CCDC38: variants seen among roughly 807,000 people sequenced by gnomAD.
CCDC38 encodes coiled-coil domain containing 38.
In CCDC38, 69 loss-of-function variants were observed where a neutral mutation model predicts 72.8. The observed-to-expected ratio is 0.95, with a 90% CI of 0.78 to 1.16. The LOEUF is 1.16. Ranked by LOEUF, CCDC38 falls within the 50% of genes most tolerant of loss-of-function variation. CCDC38 has a pLI of 0.00. For synonymous variants in CCDC38, 201 were observed against 213.2 expected (o/e 0.94, Z 0.50); for missense variants, 626 against 638.9 (o/e 0.98, Z 0.22).
intron 10 of CCDC38, among the ~76,000 whole-genome samples, chr12:95,886,052 A>T (rs879467255): frequency 7.4e-6 from 1 of 135,910 alleles, no homozygotes; most frequent in Non-Finnish European, 1.6e-5. Flanking sequence ...AAGCTTGCCT[A>T]TACTAAAAAC....
chr12:95,872,288 A>T lies in CCDC38; in HGVS notation c.1451T>A (p.Ile484Asn), dbSNP rs144956990. The T allele has an allele frequency of 1.9e-6, 3 of 1,613,874 alleles. No homozygotes were observed. Among genetic ancestry groups the T allele is most frequent in the Non-Finnish European group, 1.7e-6 (2 of 1,180,014 alleles). Residue 484 changes from isoleucine (I) to asparagine (N), a missense_variant, in exon 14 of 16, where the codon ATT becomes AAT. Transcript: ENST00000344280. ...CCATTCTTTCTGTTTCATCCTCTCA[A>T]TTGCCTCCACATTTTCTTTGGGAAT... is the stretch of plus-strand genomic sequence containing the variant. The part of the protein sequence containing the change: ...ESIPKENVEA[I>N]ERMKQKEWRQ...
In CCDC38 at chr12:95,872,408, C is replaced by A. The variant is rs1332521694; in HGVS notation, c.1331G>T (p.Cys444Phe). The A allele has an allele frequency of 6.2e-7, 1 of 1,614,170 alleles. No homozygotes were observed. The highest frequency in any genetic ancestry group is 1.7e-5 in the Admixed American group (1 of 60,030). ...GCCGTCATCCTCAGCATCTCCAATG[C>A]AGACTTTGTATACTTGAGTAATCTT... ...SKKITQVYKV[C>F]IGDAEDDGLN... The change falls in exon 14 of 16, where the codon TGC becomes TTC. Residue 444 changes from cysteine (C) to phenylalanine (F), a missense_variant. Cys to Phe is a radical substitution (Grantham distance 205, BLOSUM62 -2). Coordinates refer to ENST00000344280, the MANE Select transcript of CCDC38 (RefSeq NM_182496.3).
At chr12:95,868,871 A>T (rs1392457582) in intron 15 of CCDC38, among the ~76,000 whole-genome samples, 5 of 152,172 alleles carry the variant, frequency 3.3e-5, no homozygotes, top group African/African-American at 1.2e-4. Flanking sequence ...GCTAAGTCAA[A>T]GTGACTCTGG....
At chr12:95,882,733 C>T (rs1359869124) in intron 10 of CCDC38, among the ~76,000 whole-genome samples, 5 of 152,214 alleles carry the variant, frequency 3.3e-5, no homozygotes, top group Non-Finnish European at 7.3e-5. Context: ...TCTCCTTCTA[C>T]CCATTCTTTT....
chr12:95,875,787 A>T (rs1327696111), intron 13 of CCDC38, among the ~76,000 whole-genome samples: 2 of 152,186 alleles, frequency 1.3e-5, no homozygotes, highest in Non-Finnish European at 2.9e-5. Context: ...TACACTTGTG[A>T]TCAAAATTTC....
At chr12:95,872,017 C>T (rs1429946941) in intron 14 of CCDC38, among the ~76,000 whole-genome samples, 1 of 152,096 alleles carries the variant, frequency 6.6e-6, no homozygotes, top group African/African-American at 2.4e-5. Context: ...TCTGTTCACC[C>T]AGTTCCTTCC....
At chr12:95,886,275 A>G (rs2079758115) in intron 10 of CCDC38, among the ~76,000 whole-genome samples, 1 of 152,222 alleles carries the variant, frequency 6.6e-6, no homozygotes, top group Non-Finnish European at 1.5e-5. Context: ...AAAAAGCACC[A>G]TCACCACAAT....
At chr12:95,937,855 T>C (rs370798091) in intron 1 of CCDC38, among the ~76,000 whole-genome samples, 1 of 152,186 alleles carries the variant, frequency 6.6e-6, no homozygotes, top group African/African-American at 2.4e-5. Context: ...AGGGCAATTT[T>C]TAAAAAGACA....
At chr12:95,867,946 C>G (rs1193481149) in intron 15 of CCDC38, among the ~76,000 whole-genome samples, 1 of 152,204 alleles carries the variant, frequency 6.6e-6, no homozygotes, top group African/African-American at 2.4e-5. Flanking sequence ...AGATTGTCCC[C>G]TGCATTGCAG....
Position 95,879,890 on chromosome 12 carries a change from C to T in CCDC38, c.991-95G>A, listed in dbSNP as rs2079680247. On this transcript the variant is annotated intron_variant, in intron 11 of 15. Transcript: ENST00000344280. The surrounding 1 kb of genome is among the most constrained non-coding windows in gnomAD (Gnocchi z 5.5). Reference sequence around the variant, plus strand: ...GAAAATACAGTGGGGTAAAGGAAGACAGTTCTAAGGATGAGGGAGACACAG... The same window carrying T: ...GAAAATACAGTGGGGTAAAGGAAGATAGTTCTAAGGATGAGGGAGACACAG... The T allele has an allele frequency of 1.1e-6, 1 of 941,500 alleles. No individual in the cohort carries two copies. Among genetic ancestry groups the T allele is most frequent in the Admixed American group, 2.3e-5 (1 of 43,086 alleles). 58.3% of individuals were successfully genotyped at this position (941,500 alleles called of 1,614,324 possible).
intron 4 of CCDC38, among the ~76,000 whole-genome samples, chr12:95,912,875 C>T (rs965821321): frequency 6.6e-6 from 1 of 152,026 alleles, no homozygotes; most frequent in African/African-American, 2.4e-5. Flanking sequence ...ACCTGGACAA[C>T]ATGGCGAAGG....
In CCDC38 at chr12:95,900,974, G is replaced by T. The variant is rs1482224963; in HGVS notation, c.370-2243C>A. Among the ~76,000 whole-genome samples, 3 of 152,122 alleles carry T rather than the reference G, an allele frequency of 2.0e-5. No individual in the cohort carries two copies. In the East Asian group the frequency reaches 5.8e-4, roughly 29 times the overall value. On this transcript the variant is annotated intron_variant, in intron 5 of 15. Transcript: ENST00000344280. ...GAGAGTAAGCTGGGGACCAGATCAA[G>T]TCGCTAGAGGCCTTTGGCAGAGGAA...
chr12:95,907,690 G>A lies in CCDC38; in HGVS notation c.305-1239C>T, dbSNP rs1207923669. On this transcript the variant is annotated intron_variant, in intron 4 of 15. Transcript: ENST00000344280. ...GGGCTCCTCACTTCTCAGACGGGGC[G>A]GCTGCTGGGCGGAGGGGCTCCTCAC... 1.2e-3 allele frequency among the ~76,000 whole-genome samples: 171 copies of A among 146,134 alleles called. 1 individual carries two copies. The highest frequency in any genetic ancestry group is 2.3e-3 in the Admixed American group (34 of 14,952).
chr12:95,882,759 A>C (rs1405604580), intron 10 of CCDC38, among the ~76,000 whole-genome samples: 4 of 152,014 alleles, frequency 2.6e-5, no homozygotes, highest in Admixed American at 1.3e-4. Context: ...GACCTCATCC[A>C]TCTCATGGAT....
chr12:95,936,213 G>C (rs181684748), intron 2 of CCDC38, among the ~76,000 whole-genome samples: 2 of 152,140 alleles, frequency 1.3e-5, no homozygotes, highest in Admixed American at 6.6e-5. Context: ...CCTTGACTAT[G>C]ACAAATAATT....
chr12:95,883,226 T>C (rs1427919923), intron 10 of CCDC38, among the ~76,000 whole-genome samples: 2 of 152,192 alleles, frequency 1.3e-5, no homozygotes, highest in Admixed American at 1.3e-4. Flanking sequence ...CTCCACCATT[T>C]CATTCTCTAA....
At chr12:95,870,578 T>C (rs1399674792) in intron 14 of CCDC38, among the ~76,000 whole-genome samples, 1 of 152,224 alleles carries the variant, frequency 6.6e-6, no homozygotes. Context: ...CATTCATGTA[T>C]CACTGCTAAA....
intron 1 of CCDC38, among the ~76,000 whole-genome samples, chr12:95,937,127 T>C (rs1039704528): frequency 6.6e-6 from 1 of 152,234 alleles, no homozygotes; most frequent in Non-Finnish European, 1.5e-5. Context: ...TAAATGTTAA[T>C]GCAATATATT....
At chr12:95,869,345 G>C (rs2079555351) in intron 15 of CCDC38, 135 bp downstream of exon 15, 1 of 612,820 alleles carries the variant, frequency 1.6e-6, no homozygotes, top group Admixed American at 3.4e-5. Context: ...AGGAACCAGA[G>C]ACCAATTGTA....
Sources: allele counts gnomAD v4.1 joint callset (sites outside exome capture counted in the v4.1 genomes callset), GRCh38; gene constraint gnomAD v4.1.1; non-coding constraint Gnocchi (gnomAD v3.1); transcripts MANE v1.5; gene names NCBI Gene and HGNC (gene_info 2026-07-23, HGNC 2026-07-21).